KIRREL3: variants seen among roughly 807,000 people sequenced by gnomAD.
KIRREL3 encodes the protein kin of IRRE-like protein 3.
Under a neutral mutation model 89.7 loss-of-function variants are expected in KIRREL3, and 36 were observed. The ratio of observed to expected loss-of-function variants is 0.40; its 90% CI spans 0.31 to 0.53. KIRREL3 has a LOEUF of 0.53. Ranked by LOEUF, KIRREL3 falls within the 20% of genes least tolerant of loss-of-function variation. KIRREL3 has a pLI of 0.49. For missense variants in KIRREL3, 864 were observed against 1,056.6 expected (o/e 0.82, Z 2.53); for synonymous variants, 445 against 441.4 (o/e 1.01, Z -0.10).
At chr11:126,952,790 C>T (rs911575575) in intron 1 of KIRREL3, among the ~76,000 whole-genome samples, 1 of 152,172 alleles carries the variant, frequency 6.6e-6, no homozygotes, top group Non-Finnish European at 1.5e-5. Flanking sequence ...GAGATACCAT[C>T]TCACGCCAGT....
chr11:126,713,860 A>T (rs1947854417), intron 1 of KIRREL3, among the ~76,000 whole-genome samples: 1 of 152,140 alleles, frequency 6.6e-6, no homozygotes, highest in South Asian at 2.1e-4. Flanking sequence ...ACGGAACAGC[A>T]TCTGAAAATG....
chr11:126,518,050 A>T (rs574554675), intron 4 of KIRREL3, among the ~76,000 whole-genome samples: 1 of 152,296 alleles, frequency 6.6e-6, no homozygotes, highest in East Asian at 1.9e-4. Context: ...TAAAATCCCC[A>T]GTCTTTGCCT....
At chr11:126,510,717 T>A (rs922339384) in intron 4 of KIRREL3, among the ~76,000 whole-genome samples, 1 of 152,148 alleles carries the variant, frequency 6.6e-6, no homozygotes, top group Non-Finnish European at 1.5e-5. Context: ...TCCTCATTTT[T>A]AAAAATTGTG....
chr11:126,515,989 G>T lies in KIRREL3; in HGVS notation c.433+5326C>A, dbSNP rs1309699395. Among the ~76,000 whole-genome samples the T allele has an allele frequency of 3.9e-5, 6 of 152,300 alleles. No individual in the cohort carries two copies. The highest frequency in any genetic ancestry group is 2.9e-5 in the Non-Finnish European group (2 of 68,016). On this transcript the variant is annotated intron_variant, in intron 4 of 16. Coordinates refer to ENST00000525144, the MANE Select transcript of KIRREL3 (RefSeq NM_032531.4). This position sits in a 1 kb window ranked among gnomAD's most constrained non-coding sequence, Gnocchi z 4.2. Reference sequence around the variant, plus strand: ...GTTCTCTGGACCCATCTCCCCAGAAGATTCATGGATGGGAGATTGGGGGAG... The same window carrying T: ...GTTCTCTGGACCCATCTCCCCAGAATATTCATGGATGGGAGATTGGGGGAG...
intron 1 of KIRREL3, among the ~76,000 whole-genome samples, chr11:126,681,095 G>A (rs1461926724): frequency 6.6e-6 from 1 of 152,180 alleles, no homozygotes; most frequent in African/African-American, 2.4e-5. Context: ...TTTTCCTGCA[G>A]CAATGACTAA....
At chr11:126,942,397 C>T (rs1894225) in intron 1 of KIRREL3, among the ~76,000 whole-genome samples, 34,810 of 151,950 alleles carry the variant, frequency 0.23, 4,651 homozygotes, top group East Asian at 0.64. Context: ...CCAATTCATA[C>T]TGCCCACTGT....
intron 2 of KIRREL3, among the ~76,000 whole-genome samples, chr11:126,536,819 A>G (rs529406515): frequency 6.6e-6 from 1 of 151,922 alleles, no homozygotes; most frequent in Admixed American, 6.6e-5. Context: ...TAATTTTTGT[A>G]TTTTTAGTAG....
In KIRREL3 at chr11:127,000,650, G is replaced by A; in HGVS notation, c.-141C>T. The A allele has an allele frequency of 1.3e-6, 1 of 763,794 alleles. No homozygotes were observed. The allele number at this position is 763,794 out of a possible 1,614,324, so 47.3% of individuals were successfully genotyped here. On this transcript the variant is annotated 5_prime_UTR_variant, in exon 1 of 17. Coordinates refer to ENST00000525144, the MANE Select transcript of KIRREL3 (RefSeq NM_032531.4). This position sits in a 1 kb window ranked among gnomAD's most constrained non-coding sequence, Gnocchi z 7.1. The stretch of plus-strand genomic sequence containing the variant: ...TGTCCGTCCGTGGGTCCCTCCGGGT[G>A]GCTTCGGTCTCTTTGTGCCTCTGGG...
intron 1 of KIRREL3, among the ~76,000 whole-genome samples, chr11:126,816,719 A>G (rs560259985): frequency 6.6e-6 from 1 of 152,304 alleles, no homozygotes; most frequent in African/African-American, 2.4e-5. Context: ...GTCAGTGGCT[A>G]CATGAAAGCA....
intron 1 of KIRREL3, among the ~76,000 whole-genome samples, chr11:126,700,755 T>C (rs2135163210): frequency 6.6e-6 from 1 of 152,230 alleles, no homozygotes; most frequent in East Asian, 1.9e-4. Context: ...CGCCTGTCAT[T>C]CTCTCCCCAC....
intron 1 of KIRREL3, among the ~76,000 whole-genome samples, chr11:126,588,658 T>A (rs1164961693): frequency 6.6e-6 from 1 of 152,248 alleles, no homozygotes; most frequent in African/African-American, 2.4e-5. Context: ...TAACATTCTA[T>A]ATAATTTACC....
At chr11:126,695,586 C>T (rs4937179) in intron 1 of KIRREL3, among the ~76,000 whole-genome samples, 36,237 of 151,920 alleles carry the variant, frequency 0.24, 4,643 homozygotes, top group African/African-American at 0.32. Flanking sequence ...GTGTCCTTGT[C>T]CTGAAACCTT....
chr11:126,500,644 G>A (rs1297769659), intron 4 of KIRREL3, among the ~76,000 whole-genome samples: 1 of 151,234 alleles, frequency 6.6e-6, no homozygotes, highest in African/African-American at 2.4e-5. Flanking sequence ...GGAGGCTGAG[G>A]TAAGATAATT....
At position 126,428,966 on chromosome 11, in the gene KIRREL3, C is replaced by CT. The variant is rs374723895; in HGVS notation, c.1806+212dup. ...CTGGCCTGGACTGCATCTTAGATGT[C>CT]TTTGAGTCTGCCAGAACACAAGCAC... On this transcript the variant is annotated intron_variant, in intron 15 of 16. Coordinates refer to ENST00000525144, the MANE Select transcript of KIRREL3 (RefSeq NM_032531.4). The surrounding 1 kb of genome is among the most constrained non-coding windows in gnomAD (Gnocchi z 6.4). Among the ~76,000 whole-genome samples, 3 of 152,288 alleles carry CT rather than the reference C, an allele frequency of 2.0e-5. No homozygotes were observed. The highest frequency in any genetic ancestry group is 7.2e-5 in the African/African-American group (3 of 41,556).
At chr11:126,725,895 T>C (rs917091741) in intron 1 of KIRREL3, among the ~76,000 whole-genome samples, 1 of 152,234 alleles carries the variant, frequency 6.6e-6, no homozygotes, top group Non-Finnish European at 1.5e-5. Context: ...ATCAGGCAGT[T>C]GGTCTGTGTC....
intron 7 of KIRREL3, among the ~76,000 whole-genome samples, chr11:126,450,755 ATGAC>A (rs1391072334): frequency 4.2e-5 from 5 of 120,386 alleles, no homozygotes; most frequent in Non-Finnish European, 5.2e-5. Flanking sequence ...GTGGGCATGT[ATGAC>A]TGTGTGCATG....
Position 126,771,861 on chromosome 11 carries a change from G to A in KIRREL3, c.56-208949C>T, listed in dbSNP as rs778792020. Among the ~76,000 whole-genome samples, 8 of 152,230 alleles carry A rather than the reference G, an allele frequency of 5.3e-5. No homozygotes were observed. The highest frequency in any genetic ancestry group is 1.0e-4 in the Non-Finnish European group (7 of 68,036). Reference sequence around the variant, plus strand: ...GACATCTACCCTGAAATAGAGACCTGAAGTTCATCTCTGCAATTCCTTTGT... The same window carrying A: ...GACATCTACCCTGAAATAGAGACCTAAAGTTCATCTCTGCAATTCCTTTGT... On this transcript the variant is annotated intron_variant, in intron 1 of 16. Coordinates refer to ENST00000525144, the MANE Select transcript of KIRREL3 (RefSeq NM_032531.4). The surrounding 1 kb of genome is among the most constrained non-coding windows in gnomAD (Gnocchi z 4.4).
rs549854421 is a variant in KIRREL3 at position 126,522,799 on chromosome 11, C to A, written c.284-1335G>T. Among the ~76,000 whole-genome samples the A allele has an allele frequency of 1.3e-5, 2 of 152,146 alleles. No homozygotes were observed. Among genetic ancestry groups the A allele is most frequent in the Non-Finnish European group, 2.9e-5 (2 of 68,032 alleles). ...ATCCCCGCTGTCTTTCATCTCTGTC[C>A]CGGTTCCCTTCTCTCCTCAGAGGCT... is the stretch of plus-strand genomic sequence containing the variant. On this transcript the variant is annotated intron_variant, in intron 3 of 16. Coordinates refer to ENST00000525144, the MANE Select transcript of KIRREL3 (RefSeq NM_032531.4). The surrounding 1 kb of genome is among the most constrained non-coding windows in gnomAD (Gnocchi z 6.0).
chr11:126,717,901 G>T (rs1237018734), intron 1 of KIRREL3, among the ~76,000 whole-genome samples: 1 of 152,118 alleles, frequency 6.6e-6, no homozygotes, highest in Non-Finnish European at 1.5e-5. Context: ...AATTAATGTG[G>T]ATAACCATCA....
Sources: gnomAD v4.1 joint callset for allele counts (sites outside exome capture counted in the v4.1 genomes callset) on GRCh38, gnomAD v4.1.1 for gene constraint, Gnocchi (gnomAD v3.1) non-coding constraint, MANE v1.5 for transcripts, NCBI Gene and HGNC (gene_info 2026-07-23, HGNC 2026-07-21) for gene names.